The following FANCA variants were observed in gnomAD, a reference collection of about 807,000 sequenced individuals.
FANCA encodes the protein FA complementation group A.
FANCA carries 236 observed loss-of-function variants against 194.3 expected under a neutral mutation model. The observed-to-expected ratio is 1.21, with a 90% confidence interval of 1.09 to 1.35. FANCA has a LOEUF of 1.35. FANCA is among the 40% of genes most tolerant of loss of function. The probability of loss-of-function intolerance (pLI) is 0.00; values close to 1 mark genes in which losing one functional copy is unlikely to be tolerated. For missense variants in FANCA, 2,628 were observed against 1,813.9 expected (o/e 1.45, Z -8.15); for synonymous variants, 1,014 against 715.8 (o/e 1.42, Z -6.65).
chr16:89,740,069 C>A lies in FANCA; in HGVS notation c.3859G>T (p.Val1287Phe), dbSNP rs17227354. The A allele has an allele frequency of 5.6e-6, 9 of 1,614,038 alleles. No homozygotes were observed. Among genetic ancestry groups the A allele is most frequent in the South Asian group, 4.4e-5 (4 of 91,090 alleles). Reference protein sequence around the residue: ...STTDLPKAFHVCAAILECLEK... With the variant: ...STTDLPKAFHFCAAILECLEK... ...AAACACTCGAGGATTGCTGCACAAA[C>A]GTGGAAAGCCTTTGGCAGGTCTGTG... The change falls in exon 39 of 43, where the codon GTT becomes TTT. Residue 1287 changes from valine (V) to phenylalanine (F), a missense_variant. Coordinates refer to ENST00000389301, the MANE Select transcript of FANCA (RefSeq NM_000135.4).
rs537166467 is a variant in FANCA at position 89,780,265 on chromosome 16, G to A, written c.1627-308C>T. Among the ~76,000 whole-genome samples the A allele has an allele frequency of 2.6e-3, 398 of 152,262 alleles. 1 individual carries two copies. The highest frequency in any genetic ancestry group is 9.3e-3 in the African/African-American group (386 of 41,560). Reference sequence around the variant, plus strand: ...CCGTGAGCCTCTTTCCTGCCTCCAGGAAAGAGTTGAAAGTAAAGATTTCTA... The same window carrying A: ...CCGTGAGCCTCTTTCCTGCCTCCAGAAAAGAGTTGAAAGTAAAGATTTCTA... On this transcript the variant is annotated intron_variant, in intron 17 of 42. Coordinates refer to ENST00000389301, the MANE Select transcript of FANCA (RefSeq NM_000135.4).
At chr16:89,808,447 TA>T (rs2040750061) in intron 5 of FANCA, 80 bp from the exon 6 acceptor site, 1 of 1,422,644 alleles carries the variant, frequency 7.0e-7, no homozygotes. Flanking sequence ...TGCATTTTCC[TA>T]CAAAATGTTC....
At chr16:89,799,685 T>G (rs754076949) in intron 8 of FANCA, 47 bp from the exon 9 acceptor site, 2 of 1,464,698 alleles carry the variant, frequency 1.4e-6, no homozygotes, top group African/African-American at 2.8e-5. Flanking sequence ...CTTCTGTAAT[T>G]TGTGTGATAC....
At chr16:89,748,431 A>C (rs972795329) in intron 33 of FANCA, among the ~76,000 whole-genome samples, 4 of 152,260 alleles carry the variant, frequency 2.6e-5, no homozygotes, top group African/African-American at 4.8e-5. Flanking sequence ...AAAGGAACTC[A>C]AACTTGGGAG....
chr16:89,783,059 G>C lies in FANCA; in HGVS notation c.1514C>G (p.Ser505Cys), dbSNP rs756532738. Residue 505 changes from serine to cysteine, a missense_variant, in exon 16 of 43, where the codon TCC becomes TGC. Ser to Cys is a moderately radical substitution (Grantham distance 112, BLOSUM62 -1). Coordinates refer to ENST00000389301, the MANE Select transcript of FANCA (RefSeq NM_000135.4). ...HPPLVPGKYR[S>C]LLTDYISLAK... ...CAATGAGATGTAGTCTGTGAGGAGGGAGCGGTACTTGCCGGGAACCAGGGG... is the reference window on the plus strand; with the variant it reads ...CAATGAGATGTAGTCTGTGAGGAGGCAGCGGTACTTGCCGGGAACCAGGGG... 1.2e-6 allele frequency: 2 copies of C among 1,613,990 alleles called. No homozygotes were observed. The highest frequency in any genetic ancestry group is 1.7e-6 in the Non-Finnish European group (2 of 1,179,924).
At position 89,803,325 on chromosome 16, in the gene FANCA, A is replaced by C; in HGVS notation, c.726T>G (p.Phe242Leu). The change falls in exon 8 of 43, where the codon TTT becomes TTG. Residue 242 changes from phenylalanine (F) to leucine (L), a missense_variant. Transcript: ENST00000389301. ...RAMLSDFVQMFVLRGFQKNSD... is the reference protein window; with the variant it reads ...RAMLSDFVQMLVLRGFQKNSD... ...AGTTTTTCTGAAATCCCCTCAAAAC[A>C]AACATTTGAACAAAATCTGAAAAAC... 1 of 1,614,144 alleles carries C rather than the reference A, an allele frequency of 6.2e-7. No homozygotes were observed. The highest frequency in any genetic ancestry group is 8.5e-7 in the Non-Finnish European group (1 of 1,180,014).
intron 10 of FANCA, among the ~76,000 whole-genome samples, chr16:89,797,891 G>C (rs576248509): frequency 2.0e-5 from 3 of 149,700 alleles, no homozygotes; most frequent in South Asian, 4.3e-4. Flanking sequence ...ATAAAACTCT[G>C]TCTCAAAAAT....
chr16:89,775,955 T>A, intron 20 of FANCA, 140 bp from the exon 21 acceptor site: 2 of 425,984 alleles, frequency 4.7e-6, no homozygotes, highest in Non-Finnish European at 8.3e-6. Context: ...GAGCCTGTTT[T>A]TACAAAAAAA....
intron 29 of FANCA, among the ~76,000 whole-genome samples, chr16:89,761,098 T>C (rs935934371): frequency 9.2e-5 from 14 of 152,120 alleles, no homozygotes; most frequent in Admixed American, 8.5e-4. Flanking sequence ...TCAGTAAATG[T>C]TTCTTAAATA....
intron 2 of FANCA, among the ~76,000 whole-genome samples, chr16:89,815,508 A>C (rs1290153847): frequency 6.6e-6 from 1 of 151,352 alleles, no homozygotes; most frequent in Non-Finnish European, 1.5e-5. Flanking sequence ...GGCGTGCGCC[A>C]CCACACCCAG....
At chr16:89,743,376 G>C (rs2062179074) in intron 36 of FANCA, among the ~76,000 whole-genome samples, 1 of 152,162 alleles carries the variant, frequency 6.6e-6, no homozygotes, top group Admixed American at 6.5e-5. Flanking sequence ...TTAAAAAATT[G>C]GTAGGAAATT....
intron 14 of FANCA, among the ~76,000 whole-genome samples, chr16:89,786,984 T>C (rs893181192): frequency 4.6e-5 from 7 of 152,310 alleles, no homozygotes; most frequent in African/African-American, 1.7e-4. Context: ...AGCCAGATGA[T>C]CACTGGCCGC....
intron 30 of FANCA, among the ~76,000 whole-genome samples, chr16:89,758,287 TGA>T (rs1158958338): frequency 2.0e-5 from 3 of 152,226 alleles, no homozygotes; most frequent in African/African-American, 7.2e-5. Flanking sequence ...AAAATTGGAC[TGA>T]GAGAAAAATG....
chr16:89,803,379 A>C, intron 7 of FANCA, 38 bp from the exon 8 acceptor site: 1 of 1,570,550 alleles, frequency 6.4e-7, no homozygotes, highest in Non-Finnish European at 8.8e-7. Flanking sequence ...TATGGACATC[A>C]TGGTCTCCAA....
At chr16:89,805,997 C>T (rs930395971) in intron 6 of FANCA, among the ~76,000 whole-genome samples, 27 of 152,132 alleles carry the variant, frequency 1.8e-4, no homozygotes, top group Non-Finnish European at 3.5e-4. Context: ...ACTACAACCT[C>T]CGCCTCCCAA....
chr16:89,740,027 A>T lies in FANCA; in HGVS notation c.3901T>A (p.Ser1301Thr), dbSNP rs765162125. Residue 1301 changes from serine to threonine, a missense_variant, in exon 39 of 43, where the codon TCC becomes ACC. Physicochemically the swap from Ser to Thr is moderately conservative, Grantham distance 58. Coordinates refer to ENST00000389301, the MANE Select transcript of FANCA (RefSeq NM_000135.4). ...GTCAACTGAAAGAGTGCCAGCCAGGATATCTTCCTCTTCTCTAAACACTCG... is the reference window on the plus strand; with the variant it reads ...GTCAACTGAAAGAGTGCCAGCCAGGTTATCTTCCTCTTCTCTAAACACTCG... ...ILECLEKRKI[S>T]WLALFQLTES... 2.3e-5 allele frequency: 37 copies of T among 1,614,048 alleles called. No homozygotes were observed. Among genetic ancestry groups the T allele is most frequent in the Middle Eastern group, 1.6e-4 (1 of 6,084 alleles).
chr16:89,815,458 C>T (rs950036814), intron 2 of FANCA, among the ~76,000 whole-genome samples: 6 of 147,212 alleles, frequency 4.1e-5, no homozygotes, highest in Non-Finnish European at 7.4e-5. Flanking sequence ...CAGGTTCAAG[C>T]AATTCTCCTG....
At chr16:89,792,318 T>C (rs542662802) in intron 12 of FANCA, among the ~76,000 whole-genome samples, 153 bp downstream of exon 12, 5 of 152,288 alleles carry the variant, frequency 3.3e-5, no homozygotes, top group African/African-American at 1.2e-4. Context: ...TCTCCTGACC[T>C]GAGTGGTGGC....
rs397693835 is a variant in FANCA at position 89,778,627 on chromosome 16, TAAAAAAAAAAA to T, written c.1826+163_1826+173del. ...CTGGGTGACAGAGTGAGACTCCAACTAAAAAAAAAAAAAAAAAAAAAAAAAAAAAAGTAACC... is the reference window on the plus strand; with the variant it reads ...CTGGGTGACAGAGTGAGACTCCAACTAAAAAAAAAAAAAAAAAAAGTAACC... On this transcript the variant is annotated intron_variant, in intron 20 of 42. Coordinates refer to ENST00000389301, the MANE Select transcript of FANCA (RefSeq NM_000135.4). 6.5e-3 allele frequency among the ~76,000 whole-genome samples: 194 copies of T among 29,944 alleles called. 1 individual carries two copies. Among genetic ancestry groups the T allele is most frequent in the African/African-American group, 0.02 (150 of 7,320 alleles). 19.6% of individuals were successfully genotyped at this position (29,944 alleles called of 152,430 possible).
Sources: gnomAD v4.1 joint callset for allele counts (sites outside exome capture counted in the v4.1 genomes callset) on GRCh38, gnomAD v4.1.1 for gene constraint, MANE v1.5 for transcripts, NCBI Gene and HGNC (gene_info 2026-07-23, HGNC 2026-07-21) for gene names.